STARD9: variants seen among roughly 807,000 people sequenced by gnomAD.
STARD9 encodes the protein StAR related lipid transfer domain containing 9.
In STARD9, 346 loss-of-function variants were observed where a neutral mutation model predicts 399.8. The ratio of observed to expected loss-of-function variants is 0.87; its 90% CI spans 0.79 to 0.95. STARD9 has a LOEUF of 0.95. Ranked by LOEUF, STARD9 falls within the 40% of genes least tolerant of loss-of-function variation. The pLI, the probability that STARD9 is intolerant of heterozygous loss-of-function variation, is 0.00. For missense variants in STARD9, 5,832 were observed against 5,667.5 expected (o/e 1.03, Z -0.93); for synonymous variants, 2,203 against 2,143.5 (o/e 1.03, Z -0.77).
rs1473196807 is a variant in STARD9, at chr15:42,688,805, G to C, written c.7227G>C (p.Gly2409=). The C allele has an allele frequency of 6.5e-7, 1 of 1,537,442 alleles. No individual in the cohort carries two copies. The highest frequency in any genetic ancestry group is 2.4e-5 in the East Asian group (1 of 40,906). ...CTGAGGCACACACTGCCTGGTGTGGGTCTGTGCGATCCATGGCCATGGGAT... is the reference window on the plus strand; with the variant it reads ...CTGAGGCACACACTGCCTGGTGTGGCTCTGTGCGATCCATGGCCATGGGAT... ...RSSEAHTAWC[G]SVRSMAMGSH... Residue 2409 remains glycine (G), a synonymous_variant, in exon 23 of 33, where the codon GGG becomes GGC. Transcript: ENST00000290607.
At chr15:42,717,186 G>C in intron 28 of STARD9, 138 bp downstream of exon 28, 4 of 973,050 alleles carry the variant, frequency 4.1e-6, no homozygotes, top group Non-Finnish European at 6.0e-6. Context: ...TCTTCATCTT[G>C]AGAAAAGGGG....
At chr15:42,710,000 C>T (rs2061175489) in intron 26 of STARD9, among the ~76,000 whole-genome samples, 1 of 148,664 alleles carries the variant, frequency 6.7e-6, no homozygotes, top group African/African-American at 2.5e-5. Context: ...CTTGTTCCAG[C>T]TTTAATTATT....
At chr15:42,667,774 C>A (rs1001054537) in intron 15 of STARD9, among the ~76,000 whole-genome samples, 1 of 152,178 alleles carries the variant, frequency 6.6e-6, no homozygotes, top group East Asian at 1.9e-4. Context: ...CCACCACACC[C>A]GGCAGACAGG....
At chr15:42,578,106 ATTTT>A (rs57016102) in intron 1 of STARD9, among the ~76,000 whole-genome samples, 1 of 134,124 alleles carries the variant, frequency 7.5e-6, no homozygotes, top group African/African-American at 2.7e-5. Flanking sequence ...TTGACGCTCA[ATTTT>A]TTTTTTTTTT....
intron 7 of STARD9, among the ~76,000 whole-genome samples, chr15:42,649,632 T>G (rs1291884403): frequency 6.6e-6 from 1 of 151,808 alleles, no homozygotes; most frequent in Non-Finnish European, 1.5e-5. Flanking sequence ...AGATCTTAGC[T>G]CACTGCAACC....
intron 16 of STARD9, chr15:42,669,653 C>T (rs555035285): frequency 2.2e-5 from 5 of 226,972 alleles, no homozygotes; most frequent in African/African-American, 1.1e-4. Flanking sequence ...TATCATATTC[C>T]TTTTCTGGCT....
chr15:42,682,193 G>C lies in STARD9; in HGVS notation c.2155G>C (p.Ala719Pro), dbSNP rs1250935271. ...EDQVAEKELE[A>P]SVALDAWLQT... ...CCAGGTAGCAGAGAAAGAACTTGAG[G>C]CATCTGTGGCACTTGATGCTTGGCT... The change falls in exon 22 of 33, where the codon GCA becomes CCA. Residue 719 changes from alanine to proline, a missense_variant. Ala to Pro is a conservative substitution (Grantham distance 27). Around this residue, in one of 2 missense-constraint regions of STARD9, gnomAD observed 5,828 missense variants for 5,651.1 expected, o/e 1.03. Transcript: ENST00000290607. 3 of 1,537,118 alleles carry C rather than the reference G, an allele frequency of 2.0e-6. No individual in the cohort carries two copies. The highest frequency in any genetic ancestry group is 2.6e-6 in the Non-Finnish European group (3 of 1,146,898).
rs2061379260 is a variant in STARD9 at position 42,717,902 on chromosome 15, T to G, written c.13560-75T>G. ...ACCTGGATTCCTCAAGTCTTCACTC[T>G]GAGCCCCTCCTTTGTGACCCTTAGA... On this transcript the variant is annotated intron_variant, in intron 29 of 32. Coordinates refer to ENST00000290607, the MANE Select transcript of STARD9 (RefSeq NM_020759.3). 6 of 1,505,076 alleles carry G rather than the reference T, an allele frequency of 4.0e-6. No homozygotes were observed. The East Asian group carries it at 1.5e-4, about 37-fold the overall frequency. 93.2% of individuals were successfully genotyped at this position (1,505,076 alleles called of 1,614,324 possible). A position where few individuals can be genotyped will look rare whatever the true frequency, so the allele number is the denominator to read the frequency against.
rs780490995 is a variant in STARD9 at position 42,686,386 on chromosome 15, C to G, written c.4808C>G (p.Thr1603Arg). The G allele has an allele frequency of 3.3e-6, 5 of 1,537,518 alleles. No individual in the cohort carries two copies. Among genetic ancestry groups the G allele is most frequent in the Admixed American group, 3.9e-5 (2 of 50,984 alleles). ...DLESLSASRS[T>R]NAQVFATENA... ...GAATCATTGTCTGCTTCTCGATCTA[C>G]AAATGCACAGGTCTTTGCAACAGAG... Residue 1603 changes from threonine (T) to arginine (R), a missense_variant, in exon 23 of 33, where the codon ACA (threonine) becomes AGA (arginine). Thr to Arg is a moderately conservative substitution (Grantham distance 71). Around this residue, in one of 2 missense-constraint regions of STARD9, gnomAD observed 5,828 missense variants for 5,651.1 expected, o/e 1.03. Transcript: ENST00000290607.
chr15:42,625,108 C>T (rs911283704), intron 3 of STARD9, among the ~76,000 whole-genome samples: 23 of 152,148 alleles, frequency 1.5e-4, no homozygotes, highest in Non-Finnish European at 2.9e-4. Flanking sequence ...CCCACTGCAA[C>T]CTCTGCCTCC....
chr15:42,617,641 C>T (rs985337743), intron 3 of STARD9, among the ~76,000 whole-genome samples: 3 of 152,190 alleles, frequency 2.0e-5, no homozygotes, highest in Admixed American at 6.5e-5. Flanking sequence ...CACATTATCA[C>T]AACTTTATAT....
chr15:42,598,255 TCTC>T (rs1045632452), intron 3 of STARD9, among the ~76,000 whole-genome samples: 2 of 146,506 alleles, frequency 1.4e-5, no homozygotes, highest in African/African-American at 5.1e-5. Context: ...ATGGTCTTGA[TCTC>T]CTGACCTCGT....
rs1238777697 is a variant in STARD9, at chr15:42,607,480, G to A, written c.234+21843G>A. 2.6e-5 allele frequency among the ~76,000 whole-genome samples: 4 copies of A among 151,836 alleles called. No individual in the cohort carries two copies. The East Asian group carries it at 7.7e-4, about 29-fold the overall frequency. ...ACCCTCCCAAAGTGCTGGGATGACAGGTGTGAGCCACTGTGCCCACCCTCC... is the reference window on the plus strand; with the variant it reads ...ACCCTCCCAAAGTGCTGGGATGACAAGTGTGAGCCACTGTGCCCACCCTCC... On this transcript the variant is annotated intron_variant, in intron 3 of 32. Coordinates refer to ENST00000290607, the MANE Select transcript of STARD9 (RefSeq NM_020759.3).
chr15:42,686,302 A>C lies in STARD9; in HGVS notation c.4724A>C (p.Asp1575Ala). Residue 1575 changes from aspartate (D) to alanine (A), a missense_variant, in exon 23 of 33, where the codon GAT (aspartate) becomes GCT (alanine). By Grantham distance (126) the Asp-to-Ala change is moderately radical. Around this residue, in one of 2 missense-constraint regions of STARD9, gnomAD observed 5,828 missense variants for 5,651.1 expected, o/e 1.03. Transcript: ENST00000290607. The stretch of plus-strand genomic sequence containing the variant: ...AATGCCAAATTAGAAGGTGTTTCAG[A>C]TTTCTTTAGCACTAGTGAGAAAGAG... Reference protein sequence around the residue: ...SLNAKLEGVSDFFSTSEKEAS... With the variant: ...SLNAKLEGVSAFFSTSEKEAS... 1 of 1,537,562 alleles carries C rather than the reference A, an allele frequency of 6.5e-7. No homozygotes were observed. The highest frequency in any genetic ancestry group is 1.2e-5 in the South Asian group (1 of 84,068).
At chr15:42,626,318 TTCTTCCTCC>T (rs1403085974) in intron 3 of STARD9, among the ~76,000 whole-genome samples, 5 of 145,482 alleles carry the variant, frequency 3.4e-5, no homozygotes, top group African/African-American at 7.8e-5. Context: ...CCTCTTCCTC[TTCTTCCTCC>T]TCTTCCTCTT....
chr15:42,655,766 A>C (rs1276653568), intron 9 of STARD9, among the ~76,000 whole-genome samples: 3 of 152,230 alleles, frequency 2.0e-5, no homozygotes, highest in Admixed American at 6.5e-5. Context: ...AATCTTCTGC[A>C]CAGCAAAAGA....
At chr15:42,635,023 T>C in intron 4 of STARD9, 51 bp downstream of exon 4, 1 of 1,008,620 alleles carries the variant, frequency 9.9e-7, no homozygotes, top group South Asian at 1.5e-5. Flanking sequence ...GCCTGAACCT[T>C]GCATTGTCCT....
At chr15:42,631,185 G>A (rs1447821701) in intron 3 of STARD9, among the ~76,000 whole-genome samples, 1 of 151,658 alleles carries the variant, frequency 6.6e-6, no homozygotes, top group Non-Finnish European at 1.5e-5. Context: ...GTTATTTGAA[G>A]TTTTTCTACT....
chr15:42,596,970 A>T (rs1027444670), intron 3 of STARD9, among the ~76,000 whole-genome samples: 1 of 152,192 alleles, frequency 6.6e-6, no homozygotes, highest in African/African-American at 2.4e-5. Context: ...TCTAGATAGC[A>T]TCTATTTCTT....
Sources: gnomAD v4.1 joint callset for allele counts (sites outside exome capture counted in the v4.1 genomes callset) on GRCh38, gnomAD v4.1.1 for gene constraint, gnomAD v4.1.1 regional missense constraint, MANE v1.5 for transcripts, NCBI Gene and HGNC (gene_info 2026-07-23, HGNC 2026-07-21) for gene names.